The following RPS21 variants were observed in gnomAD, a reference collection of about 807,000 sequenced individuals.
RPS21 encodes the protein small ribosomal subunit protein eS21.
A neutral mutation model predicts 14.5 loss-of-function variants in RPS21; 6 were observed. The observed-to-expected ratio is 0.41, with a 90% CI of 0.23 to 0.82. The LOEUF is 0.82. Among genes scored for constraint, RPS21 ranks in the 40% least tolerant of loss-of-function variants. The pLI, the probability that RPS21 is intolerant of heterozygous loss-of-function variation, is 0.31. For missense variants in RPS21, 85 were observed against 115.0 expected, an observed-to-expected ratio of 0.74 and a Z score of 1.19; for synonymous variants, 61 against 42.6, an observed-to-expected ratio of 1.43 and a Z score of -1.69.
At chr20:62,388,126 C>G in intron 4 of RPS21, 183 bp from the exon 5 acceptor site, 1 of 1,498,418 alleles carries the variant, frequency 6.7e-7, no homozygotes, top group South Asian at 1.3e-5. Flanking sequence ...TAGGAGGTGC[C>G]CCCCCGACCC....
intron 1 of RPS21, 83 bp downstream of exon 1, chr20:62,387,219 G>C: frequency 2.5e-6 from 2 of 785,574 alleles, no homozygotes; most frequent in Non-Finnish European, 4.0e-6. Flanking sequence ...CGGGGTGCGG[G>C]GTGCTGGGTG....
At position 62,388,111 on chromosome 20, in the gene RPS21, C is replaced by T. The variant is rs1987809134; in HGVS notation, c.186+197C>T. ...GACACTCAGGCAGCAGACTCTGCCT[C>T]TCACTAGGAGGTGCCCCCCCGACCC... On this transcript the variant is annotated intron_variant, in intron 4 of 5. Transcript: ENST00000343986. The T allele has an allele frequency of 2.6e-6, 4 of 1,514,660 alleles. No individual in the cohort carries two copies. The South Asian group carries it at 3.7e-5, about 14-fold the overall frequency. The allele number at this position is 1,514,660 out of a possible 1,614,324, so 93.8% of individuals were successfully genotyped here. A position where few individuals can be genotyped will look rare whatever the true frequency, so the allele number is the denominator to read the frequency against.
rs757902018 is a variant in RPS21 at position 62,387,303 on chromosome 20, C to T, written c.-18-18C>T. 92 of 1,568,752 alleles carry T rather than the reference C, an allele frequency of 5.9e-5. No individual in the cohort carries two copies. The Middle Eastern group carries it at 8.3e-4, about 14-fold the overall frequency. ...ACGGTTCCGGCCGTACTCACGGCGC[C>T]GCGCGGTGACTCCCCAGGCGCAGCC... On this transcript the variant is annotated intron_variant, in intron 1 of 5. Transcript: ENST00000343986.
In RPS21 at chr20:62,387,343, A is replaced by G; in HGVS notation, c.5A>G (p.Gln2Arg). The G allele has an allele frequency of 6.2e-7, 1 of 1,603,178 alleles. No homozygotes were observed. The highest frequency in any genetic ancestry group is 8.5e-7 in the Non-Finnish European group (1 of 1,175,462). The change falls in exon 2 of 6, where the codon CAG becomes CGG. Residue 2 changes from glutamine to arginine, a missense_variant. Transcript: ENST00000343986. M[Q>R]NDAGEFVDLY... ...CAGGCGCAGCCCAGCCTCGAAATGC[A>G]GAACGACGCCGGCGAGTTCGTGGAC...
At chr20:62,388,143 A>T in intron 4 of RPS21, 166 bp from the exon 5 acceptor site, 1 of 1,485,380 alleles carries the variant, frequency 6.7e-7, no homozygotes, top group Non-Finnish European at 9.0e-7. Context: ...ACCCCGCTCC[A>T]CCATAGTCAG....
chr20:62,388,139 C>T (rs1987812293), intron 4 of RPS21, 170 bp from the exon 5 acceptor site: 3 of 1,478,460 alleles, frequency 2.0e-6, no homozygotes, highest in Non-Finnish European at 2.7e-6. Flanking sequence ...CCCGACCCCG[C>T]TCCACCATAG....
At chr20:62,387,519 T>C (rs143445662) in intron 2 of RPS21, 92 bp from the exon 3 acceptor site, 537 of 1,586,658 alleles carry the variant, frequency 3.4e-4, no homozygotes, top group Admixed American at 6.1e-4. Flanking sequence ...CCGACGTTAC[T>C]CTTTTCCATT....
At position 62,387,170 on chromosome 20, in the gene RPS21, C is replaced by T. The variant is rs538791833; in HGVS notation, c.-19+34C>T. The T allele has an allele frequency of 9.0e-6, 5 of 557,758 alleles. No homozygotes were observed. The East Asian group carries it at 1.0e-4, about 11-fold the overall frequency. 34.6% of individuals were successfully genotyped at this position (557,758 alleles called of 1,614,324 possible). ...CGCGGCGCGGGCTTCGGGCTCAGGG[C>T]TGGGGCTGGGGCGGGAGTGGGGGCT... On this transcript the variant is annotated intron_variant, in intron 1 of 5. Coordinates refer to ENST00000343986, the MANE Select transcript of RPS21 (RefSeq NM_001024.4).
In RPS21 at chr20:62,387,825, C is replaced by T. The variant is rs769474370; in HGVS notation, c.115-18C>T. 5.0e-6 allele frequency: 8 copies of T among 1,613,906 alleles called. No individual in the cohort carries two copies. The highest frequency in any genetic ancestry group is 1.6e-4 in the Middle Eastern group (1 of 6,084). The stretch of plus-strand genomic sequence containing the variant: ...CCAAACCTGGGGGAGTGGTTTGTGA[C>T]CCTTCTTCTCTTTCTAGGTTGACAA... On this transcript the variant is annotated intron_variant, in intron 3 of 5. Coordinates refer to ENST00000343986, the MANE Select transcript of RPS21 (RefSeq NM_001024.4).
Position 62,387,643 on chromosome 20 carries a change from A to G in RPS21, c.83A>G (p.Asp28Gly), listed in dbSNP as rs1309756935. Reference sequence around the variant, plus strand: ...AGCAATCGCATCATCGGTGCCAAGGACCACGCATCCATCCAGATGAACGTG... The same window carrying G: ...AGCAATCGCATCATCGGTGCCAAGGGCCACGCATCCATCCAGATGAACGTG... The part of the protein sequence containing the change: ...SASNRIIGAK[D>G]HASIQMNVAE... The change falls in exon 3 of 6, where the codon GAC (aspartate) becomes GGC (glycine). Residue 28 changes from aspartate (D) to glycine (G), a missense_variant. Physicochemically the swap from Asp to Gly is moderately conservative, Grantham distance 94. Coordinates refer to ENST00000343986, the MANE Select transcript of RPS21 (RefSeq NM_001024.4). The G allele has an allele frequency of 6.2e-7, 1 of 1,613,956 alleles. No individual in the cohort carries two copies. Among genetic ancestry groups the G allele is most frequent in the Admixed American group, 1.7e-5 (1 of 60,014 alleles).
Position 62,388,445 on chromosome 20 carries a change from C to T in RPS21, c.243-12C>T, listed in dbSNP as rs754698503. The T allele has an allele frequency of 3.1e-6, 5 of 1,613,884 alleles. No homozygotes were observed. Among genetic ancestry groups the T allele is most frequent in the South Asian group, 1.1e-5 (1 of 91,050 alleles). On this transcript the variant is annotated splice_polypyrimidine_tract_variant and intron_variant, in intron 5 of 5. Coordinates refer to ENST00000343986, the MANE Select transcript of RPS21 (RefSeq NM_001024.4). The stretch of plus-strand genomic sequence containing the variant: ...GCGTGGTCTTAACGTTGTCCTTTTC[C>T]CCTGGTTCTAGGAACTTTTGACTGG...
At position 62,387,894 on chromosome 20, in the gene RPS21, T is replaced by C. The variant is rs1987796806; in HGVS notation, c.166T>C (p.Cys56Arg). Reference sequence around the variant, plus strand: ...TGGCCAGTTTAAAACTTATGCTATCTGCGGGGCCATTCGTAGGATGGTGAG... The same window carrying C: ...TGGCCAGTTTAAAACTTATGCTATCCGCGGGGCCATTCGTAGGATGGTGAG... The part of the protein sequence containing the change: ...FNGQFKTYAI[C>R]GAIRRMGESD... The change falls in exon 4 of 6, where the codon TGC becomes CGC. Residue 56 changes from cysteine (C) to arginine (R), a missense_variant. Transcript: ENST00000343986. The C allele has an allele frequency of 6.2e-7, 1 of 1,614,100 alleles. No homozygotes were observed. Among genetic ancestry groups the C allele is most frequent in the Non-Finnish European group, 8.5e-7 (1 of 1,180,044 alleles).
At chr20:62,388,279 T>C (rs1987821721) in intron 4 of RPS21, 30 bp from the exon 5 acceptor site, 7 of 1,581,360 alleles carry the variant, frequency 4.4e-6, no homozygotes, top group South Asian at 2.4e-5. Flanking sequence ...AGTGGAAATA[T>C]TCTTAGTGTG....
At chr20:62,388,267 G>T in intron 4 of RPS21, 42 bp from the exon 5 acceptor site, 1 of 1,571,636 alleles carries the variant, frequency 6.4e-7, no homozygotes, top group Non-Finnish European at 8.6e-7. Flanking sequence ...TCAGGCAGCC[G>T]GAGTGGAAAT....
intron 3 of RPS21, 44 bp downstream of exon 3, chr20:62,387,718 C>T (rs1987788547): frequency 3.1e-6 from 5 of 1,614,004 alleles, no homozygotes; most frequent in East Asian, 2.2e-5. Context: ...GATATATGTG[C>T]GGGAAAGGCA....
chr20:62,388,214 G>A (rs1316506956), intron 4 of RPS21, 95 bp from the exon 5 acceptor site: 2 of 1,476,072 alleles, frequency 1.4e-6, no homozygotes, highest in Admixed American at 2.5e-5. Context: ...TCGCTCAGCG[G>A]GGGAGAGACG....
chr20:62,387,736 C>T (rs1987789360), intron 3 of RPS21, 62 bp downstream of exon 3: 1 of 1,614,024 alleles, frequency 6.2e-7, no homozygotes, highest in Non-Finnish European at 8.5e-7. Flanking sequence ...GCAGGCTGTC[C>T]CATTGTGGAG....
chr20:62,388,344 G>A lies in RPS21; in HGVS notation c.222G>A (p.Lys74=), dbSNP rs377264676. The A allele has an allele frequency of 1.9e-6, 3 of 1,601,708 alleles. No individual in the cohort carries two copies. Among genetic ancestry groups the A allele is most frequent in the African/African-American group, 1.4e-5 (1 of 73,736 alleles). The change falls in exon 5 of 6, where the codon AAG becomes AAA. Residue 74 remains lysine (K), a synonymous_variant. Transcript: ENST00000343986. ...ESDDSILRLA[K]ADGIVSKNF The stretch of plus-strand genomic sequence containing the variant: ...ATGATTCCATTCTCCGATTGGCCAA[G>A]GCCGATGGCATCGTCTCAAAGTAAG...
rs79903999 is a variant in RPS21 at position 62,387,480 on chromosome 20, C to A, written c.50+92C>A. The A allele has an allele frequency of 4.7e-3, 7,541 of 1,588,184 alleles. 328 individuals carry two copies. The African/African-American group carries it at 0.09, about 19-fold the overall frequency. ...TTCCCCCACACCCCTCCCGTCCTTA[C>A]CTCGTCACGTCCCTAACTTGTCCTG... On this transcript the variant is annotated intron_variant, in intron 2 of 5. Coordinates refer to ENST00000343986, the MANE Select transcript of RPS21 (RefSeq NM_001024.4).
Sources: allele counts gnomAD v4.1 joint callset, GRCh38; gene constraint gnomAD v4.1.1; transcripts MANE v1.5; gene names NCBI Gene and HGNC (gene_info 2026-07-23, HGNC 2026-07-21).